The following SHKBP1 variants were observed in gnomAD, a reference collection of about 807,000 sequenced individuals.
SHKBP1 encodes SH3KBP1-binding protein 1.
In SHKBP1, 71 loss-of-function variants were observed where a neutral mutation model predicts 83.9. The observed-to-expected ratio is 0.85, with a 90% CI of 0.70 to 1.03. The LOEUF (loss-of-function observed/expected upper bound fraction) is 1.03. Among genes scored for constraint, SHKBP1 ranks in the 50% least tolerant of loss-of-function variants. The pLI is 0.00. For synonymous variants in SHKBP1, 371 were observed against 398.0 expected, an observed-to-expected ratio of 0.93 and a Z score of 0.81; for missense variants, 824 against 982.4, an observed-to-expected ratio of 0.84 and a Z score of 2.16.
chr19:40,591,036 G>A lies in SHKBP1; in HGVS notation c.1953G>A (p.Pro651=), dbSNP rs370068529. 12 of 1,612,716 alleles carry A rather than the reference G, an allele frequency of 7.4e-6. No individual in the cohort carries two copies. The African/African-American group carries it at 9.3e-5, about 13-fold the overall frequency. Residue 651 remains proline, a synonymous_variant, in exon 18 of 18, where the codon CCG becomes CCA. Coordinates refer to ENST00000291842, the MANE Select transcript of SHKBP1 (RefSeq NM_138392.4). ...LSGHRGSPSP[P]QAEARRRGGG... is the part of the protein sequence containing the mutation. Reference sequence around the variant, plus strand: ...GCCACCGTGGGAGCCCAAGCCCCCCGCAGGCTGAGGCCCGGCGCCGTGGTG... The same window carrying A: ...GCCACCGTGGGAGCCCAAGCCCCCCACAGGCTGAGGCCCGGCGCCGTGGTG...
At chr19:40,586,454 C>T (rs868655481) in intron 12 of SHKBP1, among the ~76,000 whole-genome samples, 2 of 151,750 alleles carry the variant, frequency 1.3e-5, no homozygotes, top group Admixed American at 6.6e-5. Flanking sequence ...GCAACCTCTG[C>T]CTCCTGGGTT....
Position 40,586,898 on chromosome 19 carries a change from C to T in SHKBP1, c.1290C>T (p.Arg430=). ...TCTTCCAGACCTTCACTGTGCACCGCAGCCCTGTCACCAAGATCATGCTGT... is the reference window on the plus strand; with the variant it reads ...TCTTCCAGACCTTCACTGTGCACCGTAGCCCTGTCACCAAGATCATGCTGT... ...PQLFQTFTVH[R]SPVTKIMLSE... The change falls in exon 13 of 18, where the codon CGC becomes CGT. Residue 430 remains arginine (R), a synonymous_variant. Coordinates refer to ENST00000291842, the MANE Select transcript of SHKBP1 (RefSeq NM_138392.4). 6.2e-7 allele frequency: 1 copy of T among 1,610,860 alleles called. No individual in the cohort carries two copies. Among genetic ancestry groups the T allele is most frequent in the Non-Finnish European group, 8.5e-7 (1 of 1,177,736 alleles).
chr19:40,577,156 G>C, intron 1 of SHKBP1, 75 bp from the exon 2 acceptor site: 1 of 1,573,072 alleles, frequency 6.4e-7, no homozygotes, highest in African/African-American at 1.4e-5. Flanking sequence ...AGGGAACCCT[G>C]GATCCTGCGG....
rs140786075 is a variant in SHKBP1, at chr19:40,582,919, C to T, written c.960+453C>T. Among the ~76,000 whole-genome samples, 503 of 151,888 alleles carry T rather than the reference C, an allele frequency of 3.3e-3. 5 individuals carry two copies. The highest frequency in any genetic ancestry group is 0.011 in the African/African-American group (474 of 41,406). On this transcript the variant is annotated intron_variant, in intron 10 of 17. Transcript: ENST00000291842. ...GAAATAGAAAATCAGAAAGAGGTGA[C>T]AGAGAAGGGTAGACAGAGTCAAACC... is the stretch of plus-strand genomic sequence containing the variant.
chr19:40,590,662 C>CA lies in SHKBP1; in HGVS notation c.1769-66dup. On this transcript the variant is annotated intron_variant, in intron 16 of 17. Coordinates refer to ENST00000291842, the MANE Select transcript of SHKBP1 (RefSeq NM_138392.4). The surrounding 1 kb of genome is among the most constrained non-coding windows in gnomAD (Gnocchi z 4.6). The stretch of plus-strand genomic sequence containing the variant: ...GTCCTGACCCTCGGTGCTTGCACTG[C>CA]AATGCAACCCAGGCCCTTGCCCTAT... 6.6e-7 allele frequency: 1 copy of CA among 1,508,656 alleles called. No homozygotes were observed. Among genetic ancestry groups the CA allele is most frequent in the Non-Finnish European group, 8.9e-7 (1 of 1,126,694 alleles). 93.5% of individuals were successfully genotyped at this position (1,508,656 alleles called of 1,614,324 possible). A position where few individuals can be genotyped will look rare whatever the true frequency, so the allele number is the denominator to read the frequency against.
intron 1 of SHKBP1, 121 bp from the exon 2 acceptor site, chr19:40,577,110 G>A: frequency 7.2e-7 from 1 of 1,388,894 alleles, no homozygotes; most frequent in Non-Finnish European, 1.0e-6. Context: ...TTGGAGGCGC[G>A]AGATTCTGGA....
At chr19:40,586,713 C>T in intron 12 of SHKBP1, 61 bp from the exon 13 acceptor site, 1 of 1,421,080 alleles carries the variant, frequency 7.0e-7, no homozygotes, top group Non-Finnish European at 9.3e-7. Context: ...GTTTCTTTCT[C>T]CCTGCCCTGG....
intron 8 of SHKBP1, 41 bp downstream of exon 8, chr19:40,580,697 A>C (rs764939925): frequency 6.2e-7 from 1 of 1,613,652 alleles, no homozygotes; most frequent in South Asian, 1.1e-5. Context: ...AGCCCTGTTG[A>C]TGGGAAGGGC....
At position 40,583,457 on chromosome 19, in the gene SHKBP1, C is replaced by T. The variant is rs772970961; in HGVS notation, c.1020C>T (p.Gly340=). The change falls in exon 11 of 18, where the codon GGC becomes GGT. Residue 340 remains glycine, a synonymous_variant. Coordinates refer to ENST00000291842, the MANE Select transcript of SHKBP1 (RefSeq NM_138392.4). ...YDAAGSFLLL[G]CNNGSIYYVD... ...CGGCAGGCTCCTTCCTCCTCCTGGG[C>T]TGCAACAACGGCTCCATTTACTACG... The T allele has an allele frequency of 6.2e-7, 1 of 1,609,534 alleles. No homozygotes were observed.
rs2081358791 is a variant in SHKBP1 at position 40,591,285 on chromosome 19, C to T, written c.*78C>T. ...TGCCTCCCTGATTCCTGTGGGAACC[C>T]CGGGTTCAGGGCCAGGGCCTCCTTG... is the stretch of plus-strand genomic sequence containing the variant. On this transcript the variant is annotated 3_prime_UTR_variant, in exon 18 of 18. Coordinates refer to ENST00000291842, the MANE Select transcript of SHKBP1 (RefSeq NM_138392.4). 1 of 1,321,258 alleles carries T rather than the reference C, an allele frequency of 7.6e-7. No homozygotes were observed. Among genetic ancestry groups the T allele is most frequent in the African/African-American group, 1.5e-5 (1 of 67,630 alleles). 81.8% of individuals were successfully genotyped at this position (1,321,258 alleles called of 1,614,324 possible).
rs557366041 is a variant in SHKBP1, at chr19:40,587,896, T to G, written c.1337-728T>G. The stretch of plus-strand genomic sequence containing the variant: ...TCCAGCCCAGGCAACAAAGCAAGAC[T>G]CTATCTCATAAAATATTAATAAAAT... On this transcript the variant is annotated intron_variant, in intron 13 of 17. Coordinates refer to ENST00000291842, the MANE Select transcript of SHKBP1 (RefSeq NM_138392.4). Among the ~76,000 whole-genome samples the G allele has an allele frequency of 2.6e-5, 4 of 152,234 alleles. No homozygotes were observed. In the South Asian group the frequency reaches 6.2e-4, roughly 24 times the overall value.
At chr19:40,583,525 C>G in intron 11 of SHKBP1, 40 bp downstream of exon 11, 1 of 1,612,080 alleles carries the variant, frequency 6.2e-7, no homozygotes, top group Non-Finnish European at 8.5e-7. Context: ...GAGACCCTCC[C>G]CTGGGAGAGG....
Position 40,588,766 on chromosome 19 carries a change from T to C in SHKBP1, c.1479T>C (p.Ala493=). The change falls in exon 14 of 18, where the codon GCT becomes GCC. Residue 493 remains alanine, a synonymous_variant. Transcript: ENST00000291842. The part of the protein sequence containing the change: ...ESADGHGGCS[A]GNDIGPYGER... ...CAGATGGGCATGGCGGCTGCAGTGCTGGCAATGACATTGGTGCCTACTGGC... is the reference window on the plus strand; with the variant it reads ...CAGATGGGCATGGCGGCTGCAGTGCCGGCAATGACATTGGTGCCTACTGGC... The C allele has an allele frequency of 6.2e-7, 1 of 1,613,524 alleles. No homozygotes were observed. The highest frequency in any genetic ancestry group is 8.5e-7 in the Non-Finnish European group (1 of 1,180,030).
rs2081239445 is a variant in SHKBP1, at chr19:40,578,386, G to A, written c.320-76G>A. ...GGGAGGAGTATTGGTACTCTGTGTA[G>A]AAAGAAATGGGGAGGGGGAAATGGG... On this transcript the variant is annotated intron_variant, in intron 5 of 17. Coordinates refer to ENST00000291842, the MANE Select transcript of SHKBP1 (RefSeq NM_138392.4). 13 of 1,551,500 alleles carry A rather than the reference G, an allele frequency of 8.4e-6. No individual in the cohort carries two copies. The South Asian group carries it at 1.5e-4, about 17-fold the overall frequency.
rs1296540588 is a variant in SHKBP1, at chr19:40,580,590, T to TGC, written c.590_591dup (p.Leu198AlafsTer18). ...GGACAACCTGAGGAGCCGGGGATGGTGCGCCTGGTGTGTGGACACCATAAT... is the reference window on the plus strand; with the variant it reads ...GGACAACCTGAGGAGCCGGGGATGGTGCGCGCCTGGTGTGTGGACACCATAAT... On this transcript the variant is annotated frameshift_variant, in exon 8 of 18. Coordinates refer to ENST00000291842, the MANE Select transcript of SHKBP1 (RefSeq NM_138392.4). LOFTEE classifies it high-confidence loss of function. The TGC allele has an allele frequency of 1.2e-6, 2 of 1,614,188 alleles. No individual in the cohort carries two copies. The highest frequency in any genetic ancestry group is 1.7e-6 in the Non-Finnish European group (2 of 1,180,036).
intron 4 of SHKBP1, 86 bp downstream of exon 4, chr19:40,577,716 T>G: frequency 2.8e-6 from 4 of 1,450,230 alleles, no homozygotes; most frequent in African/African-American, 2.8e-5. Context: ...CCACGTGAGC[T>G]CCATTCTATT....
rs1162224408 is a variant in SHKBP1, at chr19:40,578,177, T to C, written c.284T>C (p.Leu95Pro). 1 of 1,614,172 alleles carries C rather than the reference T, an allele frequency of 6.2e-7. No homozygotes were observed. The highest frequency in any genetic ancestry group is 1.1e-5 in the South Asian group (1 of 91,080). The change falls in exon 5 of 18, where the codon CTC becomes CCC. Residue 95 changes from leucine (L) to proline (P), a missense_variant. Transcript: ENST00000291842. ...AGGGGTGTCCACGGTTCCAGCCTCC[T>C]CCATGAAGCCCAGTTCTATGGGCTC... ...DPRGVHGSSL[L>P]HEAQFYGLTP...
intron 4 of SHKBP1, 166 bp from the exon 5 acceptor site, chr19:40,577,988 C>CACAT: frequency 1.4e-6 from 1 of 695,260 alleles, no homozygotes; most frequent in Non-Finnish European, 2.6e-6. Flanking sequence ...CACACACACA[C>CACAT]ACACTCAACA....
In SHKBP1 at chr19:40,590,336, G is replaced by A. The variant is rs536345404; in HGVS notation, c.1682G>A (p.Arg561Gln). The A allele has an allele frequency of 8.1e-6, 13 of 1,611,512 alleles. No individual in the cohort carries two copies. Among genetic ancestry groups the A allele is most frequent in the South Asian group, 4.4e-5 (4 of 90,806 alleles). The change falls in exon 16 of 18, where the codon CGG (arginine) becomes CAG (glutamine). Residue 561 changes from arginine (R) to glutamine (Q), a missense_variant. This residue lies in a region of SHKBP1 where 287 missense variants were observed against 322.9 expected (regional missense o/e 0.89). Transcript: ENST00000291842. The surrounding 1 kb of genome is among the most constrained non-coding windows in gnomAD (Gnocchi z 4.6). ...EGSRRLGSRP[R>Q]RYLLTGQANG... ...TCCCGGCGGCTCGGCTCTCGGCCCCGGCGCTACCTGCTCACTGGCCAGGCC... is the reference window on the plus strand; with the variant it reads ...TCCCGGCGGCTCGGCTCTCGGCCCCAGCGCTACCTGCTCACTGGCCAGGCC...
Sources: gnomAD v4.1 joint callset for allele counts (sites outside exome capture counted in the v4.1 genomes callset) on GRCh38, gnomAD v4.1.1 for gene constraint, gnomAD v4.1.1 regional missense constraint, Gnocchi (gnomAD v3.1) non-coding constraint, MANE v1.5 for transcripts, NCBI Gene and HGNC (gene_info 2026-07-23, HGNC 2026-07-21) for gene names.